ARMC9: variants seen among roughly 807,000 people sequenced by gnomAD.
ARMC9 encodes the protein armadillo repeat containing 9.
In ARMC9, 94 loss-of-function variants were observed where a neutral mutation model predicts 107.0. The ratio of observed to expected loss-of-function variants is 0.88; its 90% CI spans 0.74 to 1.04. The LOEUF (loss-of-function observed/expected upper bound fraction) is 1.04. Ranked by LOEUF, ARMC9 falls within the 50% of genes least tolerant of loss-of-function variation. The probability of loss-of-function intolerance (pLI) is 0.00; values close to 1 mark genes in which losing one functional copy is unlikely to be tolerated. For synonymous variants in ARMC9, 380 were observed against 396.9 expected (o/e 0.96, Z 0.51); for missense variants, 942 against 1,030.1 (o/e 0.91, Z 1.17).
intron 3 of ARMC9, among the ~76,000 whole-genome samples, chr2:231,212,653 C>T (rs1319539836): frequency 1.3e-5 from 2 of 152,208 alleles, no homozygotes; most frequent in Non-Finnish European, 2.9e-5. Flanking sequence ...AGCCTGGCCC[C>T]ACAGCACTGC....
rs558959210 is a variant in ARMC9, at chr2:231,274,153, T to C, written c.1334+1075T>C. On this transcript the variant is annotated intron_variant, in intron 14 of 24. Transcript: ENST00000611582. Reference sequence around the variant, plus strand: ...TTGTTTTTGAGATGGAGTCTCACTCTGTCACCCAGACTGGAGTGCAGTGGC... The same window carrying C: ...TTGTTTTTGAGATGGAGTCTCACTCCGTCACCCAGACTGGAGTGCAGTGGC... 3.3e-5 allele frequency among the ~76,000 whole-genome samples: 5 copies of C among 152,332 alleles called. No individual in the cohort carries two copies. In the East Asian group the frequency reaches 5.8e-4, roughly 18 times the overall value.
intron 8 of ARMC9, 111 bp downstream of exon 8, chr2:231,235,492 G>A (rs1029253643): frequency 7.7e-7 from 1 of 1,303,804 alleles, no homozygotes; most frequent in South Asian, 1.8e-5. Context: ...TTCCAAGCCA[G>A]TGGCGCCTGC....
chr2:231,260,211 T>C (rs1271930607), intron 11 of ARMC9, among the ~76,000 whole-genome samples: 1 of 152,188 alleles, frequency 6.6e-6, no homozygotes, highest in African/African-American at 2.4e-5. Flanking sequence ...ATCTGCTTTG[T>C]GTTTGATTGT....
At chr2:231,220,215 T>TC (rs2033970525) in intron 5 of ARMC9, among the ~76,000 whole-genome samples, 1 of 152,216 alleles carries the variant, frequency 6.6e-6, no homozygotes, top group African/African-American at 2.4e-5. Flanking sequence ...TCTTTTTTTT[T>TC]CAGAAGTTTA....
intron 22 of ARMC9, among the ~76,000 whole-genome samples, chr2:231,357,904 A>C (rs2045407229): frequency 2.0e-5 from 3 of 152,156 alleles, no homozygotes; most frequent in Non-Finnish European, 2.9e-5. Context: ...TTTACTTGAC[A>C]AAAAGTTCTT....
intron 20 of ARMC9, among the ~76,000 whole-genome samples, chr2:231,342,601 G>T (rs1214160569): frequency 6.6e-6 from 1 of 152,004 alleles, no homozygotes; most frequent in Non-Finnish European, 1.5e-5. Context: ...GAGAAGGCAG[G>T]AGTCACCCTG....
At chr2:231,311,807 G>T (rs1288356103) in intron 19 of ARMC9, among the ~76,000 whole-genome samples, 2 of 151,398 alleles carry the variant, frequency 1.3e-5, no homozygotes, top group African/African-American at 4.9e-5. Context: ...TATTGTGCAG[G>T]GGTTCTGATG....
At chr2:231,227,538 G>A (rs1043328296) in intron 7 of ARMC9, among the ~76,000 whole-genome samples, 1 of 152,338 alleles carries the variant, frequency 6.6e-6, no homozygotes, top group Admixed American at 6.5e-5. Flanking sequence ...CCATGCGCCA[G>A]CACATTTGCC....
chr2:231,326,064 G>C (rs1293682542), intron 19 of ARMC9, among the ~76,000 whole-genome samples: 1 of 152,300 alleles, frequency 6.6e-6, no homozygotes, highest in South Asian at 2.1e-4. Context: ...ATTACTCTCT[G>C]TGTCCTGTTG....
At chr2:231,236,866 C>A (rs1419853547) in intron 8 of ARMC9, among the ~76,000 whole-genome samples, 1 of 152,168 alleles carries the variant, frequency 6.6e-6, no homozygotes, top group Non-Finnish European at 1.5e-5. Flanking sequence ...AACTCTTGAA[C>A]CCGGCTGGCA....
Position 231,277,562 on chromosome 2 carries a change from CTT to C in ARMC9, c.1474+802_1474+803del, listed in dbSNP as rs5839396. Among the ~76,000 whole-genome samples, 64 of 135,880 alleles carry C rather than the reference CTT, an allele frequency of 4.7e-4. 1 individual carries two copies. The highest frequency in any genetic ancestry group is 4.0e-3 in the South Asian group (17 of 4,258). The allele number at this position is 135,880 out of a possible 152,430, so 89.1% of individuals were successfully genotyped here. A position where few individuals can be genotyped will look rare whatever the true frequency, so the allele number is the denominator to read the frequency against. ...AAAATAGCATGCAAAAAGTCCTAGCCTTTTTTTTTTTTTTTTGAGATGAAGTC... is the reference window on the plus strand; with the variant it reads ...AAAATAGCATGCAAAAAGTCCTAGCCTTTTTTTTTTTTTTGAGATGAAGTC... On this transcript the variant is annotated intron_variant, in intron 15 of 24. Transcript: ENST00000611582.
chr2:231,211,914 A>C (rs2032921479), intron 3 of ARMC9, among the ~76,000 whole-genome samples: 1 of 152,200 alleles, frequency 6.6e-6, no homozygotes, highest in Non-Finnish European at 1.5e-5. Flanking sequence ...TCACAAGCAT[A>C]TCTTTTCTGC....
chr2:231,356,964 C>T (rs1003528187), intron 22 of ARMC9, among the ~76,000 whole-genome samples: 8 of 152,212 alleles, frequency 5.3e-5, no homozygotes, highest in East Asian at 1.9e-4. Context: ...GGTAACGTAG[C>T]GGTAACATCC....
intron 20 of ARMC9, among the ~76,000 whole-genome samples, chr2:231,338,132 G>T (rs961208776): frequency 2.1e-4 from 32 of 152,250 alleles, no homozygotes; most frequent in African/African-American, 7.2e-4. Context: ...CTTGGGAGGC[G>T]TCCTCTAAAA....
chr2:231,261,769 T>C (rs186470818), intron 11 of ARMC9, among the ~76,000 whole-genome samples: 142 of 152,254 alleles, frequency 9.3e-4, no homozygotes, highest in African/African-American at 3.3e-3. Context: ...CTCACTTCTC[T>C]GGAGAGTTCA....
intron 17 of ARMC9, among the ~76,000 whole-genome samples, chr2:231,284,778 C>T (rs184129534): frequency 5.3e-5 from 8 of 152,274 alleles, no homozygotes; most frequent in Admixed American, 4.6e-4. Flanking sequence ...TCACTGGGGC[C>T]ACCTTGGGGC....
At chr2:231,270,516 C>T (rs537133617) in intron 12 of ARMC9, 2 of 421,956 alleles carry the variant, frequency 4.7e-6, no homozygotes, top group South Asian at 1.8e-5. Context: ...GCCTGCTAAG[C>T]CTCTTGCCAT....
At chr2:231,267,601 A>C (rs1459800722) in intron 12 of ARMC9, among the ~76,000 whole-genome samples, 1 of 152,160 alleles carries the variant, frequency 6.6e-6, no homozygotes, top group Non-Finnish European at 1.5e-5. Flanking sequence ...CACTTGATCT[A>C]CTTCTAGTTC....
chr2:231,256,287 A>G, intron 9 of ARMC9: 2 of 1,553,788 alleles, frequency 1.3e-6, no homozygotes, highest in Admixed American at 3.9e-5. Context: ...TCAGAGCGAG[A>G]AGCCCGGAGG....
Sources: allele counts gnomAD v4.1 joint callset (sites outside exome capture counted in the v4.1 genomes callset), GRCh38; gene constraint gnomAD v4.1.1; transcripts MANE v1.5; gene names NCBI Gene and HGNC (gene_info 2026-07-23, HGNC 2026-07-21).